CERS6: variants seen among roughly 807,000 people sequenced by gnomAD.
CERS6 encodes the protein LAG1 homolog, ceramide synthase 6.
In CERS6, 26 loss-of-function variants were observed where a neutral mutation model predicts 56.8. That is an observed-to-expected ratio of 0.46 (90% CI 0.34 to 0.63). The LOEUF is 0.63. Among genes scored for constraint, CERS6 ranks in the 30% least tolerant of loss-of-function variants. CERS6 has a pLI of 0.01. For missense variants in CERS6, 415 were observed against 467.5 expected (o/e 0.89, Z 1.04); for synonymous variants, 164 against 173.3 (o/e 0.95, Z 0.42).
intron 8 of CERS6, among the ~76,000 whole-genome samples, chr2:168,760,912 C>T (rs191364551): frequency 2.6e-5 from 4 of 152,240 alleles, no homozygotes; most frequent in African/African-American, 4.8e-5. Context: ...CCCGCCACCA[C>T]GCCCGGCTAA....
chr2:168,642,986 C>G (rs1288354925), intron 4 of CERS6, among the ~76,000 whole-genome samples: 1 of 152,162 alleles, frequency 6.6e-6, no homozygotes, highest in Non-Finnish European at 1.5e-5. Flanking sequence ...TAATAGGATG[C>G]ATGATGTTCA....
intron 8 of CERS6, among the ~76,000 whole-genome samples, chr2:168,748,462 C>T (rs1265679439): frequency 6.6e-6 from 1 of 152,146 alleles, no homozygotes; most frequent in Non-Finnish European, 1.5e-5. Context: ...ATAATTTTTA[C>T]TAAATAAAAC....
chr2:168,541,803 A>T (rs2105369094), intron 1 of CERS6, among the ~76,000 whole-genome samples: 1 of 152,300 alleles, frequency 6.6e-6, no homozygotes, highest in East Asian at 1.9e-4. Flanking sequence ...CATGGTTCAG[A>T]AGTCAGCTAG....
chr2:168,763,190 T>C (rs1353917581), intron 8 of CERS6, among the ~76,000 whole-genome samples: 2 of 151,036 alleles, frequency 1.3e-5, no homozygotes, highest in African/African-American at 4.9e-5. Flanking sequence ...TTTTTTCTTT[T>C]TTCTTTATCT....
intron 1 of CERS6, among the ~76,000 whole-genome samples, chr2:168,504,143 G>A (rs904546026): frequency 2.0e-5 from 3 of 152,198 alleles, no homozygotes; most frequent in Admixed American, 2.0e-4. Context: ...GGGCGTGGTG[G>A]CTCATGCCTG....
intron 2 of CERS6, among the ~76,000 whole-genome samples, chr2:168,550,125 G>A (rs1695539912): frequency 6.6e-6 from 1 of 152,058 alleles, no homozygotes; most frequent in South Asian, 2.1e-4. Flanking sequence ...AAAACATAAA[G>A]CTTTTTCCTT....
chr2:168,491,615 C>A (rs140909600), intron 1 of CERS6, among the ~76,000 whole-genome samples: 1 of 152,094 alleles, frequency 6.6e-6, no homozygotes, highest in East Asian at 1.9e-4. Flanking sequence ...TAATAGTGTT[C>A]AAGTTTTCTA....
chr2:168,766,597 C>T (rs1439516898), intron 9 of CERS6, among the ~76,000 whole-genome samples: 2 of 152,202 alleles, frequency 1.3e-5, no homozygotes, highest in African/African-American at 2.4e-5. Context: ...TCTTTCACTA[C>T]CCCCTCTCTG....
intron 3 of CERS6, among the ~76,000 whole-genome samples, chr2:168,583,338 A>G (rs4668077): frequency 0.66 from 100,712 of 151,998 alleles, 38,305 homozygotes; most frequent in South Asian, 0.88. Flanking sequence ...TGAGCTAAGA[A>G]AAGTGTGAGA....
chr2:168,504,203 A>G (rs1694635308), intron 1 of CERS6, among the ~76,000 whole-genome samples: 1 of 152,044 alleles, frequency 6.6e-6, no homozygotes, highest in South Asian at 2.1e-4. Context: ...TGAGTTCAAG[A>G]GTCAAGACCA....
chr2:168,623,427 C>G (rs757593848), intron 3 of CERS6, among the ~76,000 whole-genome samples: 1 of 151,914 alleles, frequency 6.6e-6, no homozygotes, highest in Non-Finnish European at 1.5e-5. Context: ...TGTACACATT[C>G]ACATCATACA....
At chr2:168,674,052 T>TA (rs1236219135) in intron 4 of CERS6, among the ~76,000 whole-genome samples, 1 of 152,162 alleles carries the variant, frequency 6.6e-6, no homozygotes, top group East Asian at 1.9e-4. Flanking sequence ...CGTGACCTGT[T>TA]ACGTATGGGT....
At chr2:168,563,819 T>C (rs954779252) in intron 3 of CERS6, among the ~76,000 whole-genome samples, 1 of 151,890 alleles carries the variant, frequency 6.6e-6, no homozygotes, top group African/African-American at 2.4e-5. Context: ...TAACCAGATA[T>C]GTGTGTTGTA....
At chr2:168,471,456 A>G (rs753506007) in intron 1 of CERS6, among the ~76,000 whole-genome samples, 4 of 152,204 alleles carry the variant, frequency 2.6e-5, no homozygotes, top group Non-Finnish European at 5.9e-5. Context: ...CATAAAATAA[A>G]TGTTCTTTCT....
chr2:168,559,779 G>A (rs1263678901), intron 2 of CERS6, among the ~76,000 whole-genome samples: 1 of 57,414 alleles, frequency 1.7e-5, no homozygotes, highest in Admixed American at 2.1e-4. Context: ...TTGAAGTTTG[G>A]TCATTGTGCC....
At chr2:168,638,913 T>A (rs1574119861) in intron 4 of CERS6, among the ~76,000 whole-genome samples, 1 of 152,222 alleles carries the variant, frequency 6.6e-6, no homozygotes, top group East Asian at 1.9e-4. Context: ...AAATGGTGGC[T>A]GCTGCATTCT....
At chr2:168,710,355 A>G (rs1656113361) in intron 6 of CERS6, among the ~76,000 whole-genome samples, 1 of 152,254 alleles carries the variant, frequency 6.6e-6, no homozygotes, top group Non-Finnish European at 1.5e-5. Flanking sequence ...AAGAGCAATC[A>G]TTCAGAGCTG....
chr2:168,630,089 T>G (rs139566968), intron 3 of CERS6, among the ~76,000 whole-genome samples: 4,356 of 152,206 alleles, frequency 0.029, 214 homozygotes, highest in African/African-American at 0.099. Flanking sequence ...GTGCTGGGAT[T>G]ACAGGTGTGA....
rs199728839 is a variant in CERS6 at position 168,527,957 on chromosome 2, G to A, written c.171-19639G>A. 2.6e-5 allele frequency among the ~76,000 whole-genome samples: 4 copies of A among 152,132 alleles called. No individual in the cohort carries two copies. In the East Asian group the frequency reaches 7.8e-4, roughly 29 times the overall value. On this transcript the variant is annotated intron_variant, in intron 1 of 9. Coordinates refer to ENST00000305747, the MANE Select transcript of CERS6 (RefSeq NM_203463.3). ...CCTGGTCTCAAACTCCTGAGCTTGA[G>A]TGATCTGCCCACCTAGACCTTCCAA...
Sources: gnomAD v4.1 joint callset for allele counts (sites outside exome capture counted in the v4.1 genomes callset) on GRCh38, gnomAD v4.1.1 for gene constraint, MANE v1.5 for transcripts, NCBI Gene and HGNC (gene_info 2026-07-23, HGNC 2026-07-21) for gene names.